The following SNX29 variants were observed in gnomAD, a reference collection of about 807,000 sequenced individuals.
SNX29 encodes the protein sorting nexin 29.
Under a neutral mutation model 102.1 loss-of-function variants are expected in SNX29, and 78 were observed. The observed-to-expected ratio is 0.76, with a 90% CI of 0.64 to 0.92. SNX29 has a LOEUF of 0.92. Ranked by LOEUF, SNX29 falls within the 40% of genes least tolerant of loss-of-function variation. SNX29 has a pLI of 0.00. For synonymous variants in SNX29, 580 were observed against 414.5 expected, an observed-to-expected ratio of 1.40 and a Z score of -4.85; for missense variants, 1,280 against 1,061.7, an observed-to-expected ratio of 1.21 and a Z score of -2.86.
chr16:12,324,184 G>T (rs550773294), intron 15 of SNX29, among the ~76,000 whole-genome samples: 7 of 151,728 alleles, frequency 4.6e-5, no homozygotes, highest in Non-Finnish European at 1.0e-4. Flanking sequence ...TTTTGGGGGG[G>T]TCCCATGAGT....
intron 16 of SNX29, among the ~76,000 whole-genome samples, chr16:12,381,000 C>T (rs1297155875): frequency 4.2e-5 from 5 of 118,446 alleles, no homozygotes; most frequent in Admixed American, 8.2e-5. Flanking sequence ...CACCCACCCA[C>T]CATCCATCCA....
intron 14 of SNX29, among the ~76,000 whole-genome samples, chr16:12,209,913 A>C (rs1039654838): frequency 9.9e-5 from 15 of 152,186 alleles, no homozygotes; most frequent in Non-Finnish European, 4.4e-5. Context: ...GGGGCTGAGA[A>C]GGGTAGCAGG....
chr16:12,572,595 G>A lies in SNX29; in HGVS notation c.*3966G>A, dbSNP rs983292924. The stretch of plus-strand genomic sequence containing the variant: ...CAGCCATGTTCTCTGGGCTCCCAGT[G>A]AGCCCCCTCCCCTCCGGCTACCCCC... On this transcript the variant is annotated 3_prime_UTR_variant, in exon 21 of 21. Coordinates refer to ENST00000566228, the MANE Select transcript of SNX29 (RefSeq NM_032167.5). The A allele has an allele frequency of 1.7e-5, 18 of 1,064,190 alleles. No individual in the cohort carries two copies. The African/African-American group carries it at 2.5e-4, about 15-fold the overall frequency. 65.9% of individuals were successfully genotyped at this position (1,064,190 alleles called of 1,614,324 possible). A position where few individuals can be genotyped will look rare whatever the true frequency, so the allele number is the denominator to read the frequency against.
chr16:12,132,576 G>C (rs973435904), intron 13 of SNX29, among the ~76,000 whole-genome samples: 2 of 152,246 alleles, frequency 1.3e-5, no homozygotes, highest in African/African-American at 4.8e-5. Context: ...AGGAGGAAAA[G>C]ATGTGAGGGT....
intron 20 of SNX29, chr16:12,526,572 A>G (rs531355708): frequency 3.8e-6 from 2 of 529,554 alleles, no homozygotes; most frequent in East Asian, 8.0e-5. Context: ...ACTGTTTGGA[A>G]ATGGCCGCGA....
chr16:11,988,647 G>A (rs1218012439), intron 1 of SNX29, among the ~76,000 whole-genome samples: 1 of 152,008 alleles, frequency 6.6e-6, no homozygotes, highest in East Asian at 1.9e-4. Flanking sequence ...CAATTCCCTT[G>A]TCTCTACCTC....
chr16:12,180,087 G>T (rs2076348542), intron 13 of SNX29, among the ~76,000 whole-genome samples: 1 of 151,764 alleles, frequency 6.6e-6, no homozygotes, highest in Non-Finnish European at 1.5e-5. Flanking sequence ...TCTTCTCCAG[G>T]GGCTTCTGTT....
chr16:12,552,521 C>G (rs1030805565), intron 20 of SNX29, among the ~76,000 whole-genome samples: 1 of 152,270 alleles, frequency 6.6e-6, no homozygotes, highest in East Asian at 1.9e-4. Context: ...GCCAAATGGG[C>G]CTTCATTTCT....
intron 18 of SNX29, among the ~76,000 whole-genome samples, chr16:12,409,320 G>C (rs1282240501): frequency 6.6e-6 from 1 of 152,046 alleles, no homozygotes; most frequent in African/African-American, 2.4e-5. Flanking sequence ...CCATATGACA[G>C]AGTTAAATTT....
chr16:12,540,289 G>A (rs942000009), intron 20 of SNX29, among the ~76,000 whole-genome samples: 2 of 152,166 alleles, frequency 1.3e-5, no homozygotes, highest in African/African-American at 4.8e-5. Flanking sequence ...AGGACTAGAG[G>A]CATTACGGGG....
chr16:12,569,969 G>A lies in SNX29; in HGVS notation c.*1340G>A, dbSNP rs182637485. ...GGTGACGGTTAGATGGTAAGCCATG[G>A]GCTTGTCCTGGAACTGCTTCAACTC... On this transcript the variant is annotated 3_prime_UTR_variant, in exon 21 of 21. Transcript: ENST00000566228. 6.5e-3 allele frequency: 1,548 copies of A among 238,972 alleles called. 10 individuals are homozygous for A. Among genetic ancestry groups the A allele is most frequent in the Non-Finnish European group, 9.7e-3 (1,204 of 123,572 alleles). 14.8% of individuals were successfully genotyped at this position (238,972 alleles called of 1,614,324 possible). A position where few individuals can be genotyped will look rare whatever the true frequency, so the allele number is the denominator to read the frequency against.
Position 12,253,768 on chromosome 16 carries a change from G to A in SNX29, c.1679-24165G>A, listed in dbSNP as rs933388442. Reference sequence around the variant, plus strand: ...ATGAGAAGGGGGCCACTGGAGGACTGTGAGCAAAGGAGGGGTGGCCTCTGA... The same window carrying A: ...ATGAGAAGGGGGCCACTGGAGGACTATGAGCAAAGGAGGGGTGGCCTCTGA... On this transcript the variant is annotated intron_variant, in intron 14 of 20. Coordinates refer to ENST00000566228, the MANE Select transcript of SNX29 (RefSeq NM_032167.5). Among the ~76,000 whole-genome samples the A allele has an allele frequency of 2.0e-5, 3 of 152,192 alleles. No homozygotes were observed. The South Asian group carries it at 6.2e-4, about 32-fold the overall frequency.
At chr16:12,008,166 G>T (rs1176716515) in intron 3 of SNX29, among the ~76,000 whole-genome samples, 2 of 152,252 alleles carry the variant, frequency 1.3e-5, no homozygotes, top group Admixed American at 1.3e-4. Flanking sequence ...GGATAGTTTT[G>T]ATCTCCTGAC....
intron 10 of SNX29, among the ~76,000 whole-genome samples, chr16:12,074,153 C>A (rs2051433456): frequency 6.6e-6 from 1 of 150,590 alleles, no homozygotes; most frequent in Non-Finnish European, 1.5e-5. Context: ...TTAATTGGAG[C>A]ATTTAGTCCA....
chr16:12,572,378 G>T lies in SNX29; in HGVS notation c.*3749G>T. The T allele has an allele frequency of 9.4e-7, 1 of 1,062,974 alleles. No homozygotes were observed. Among genetic ancestry groups the T allele is most frequent in the Non-Finnish European group, 1.1e-6 (1 of 877,768 alleles). The allele number at this position is 1,062,974 out of a possible 1,614,324, so 65.8% of individuals were successfully genotyped here. On this transcript the variant is annotated 3_prime_UTR_variant, in exon 21 of 21. Transcript: ENST00000566228. ...CAGCAGGCTCTGCCTTCTGGAGGCG[G>T]CTTATATCCCAACAGCCTGAGGCAG...
intron 13 of SNX29, among the ~76,000 whole-genome samples, chr16:12,135,243 A>T (rs1438877853): frequency 6.6e-6 from 1 of 152,230 alleles, no homozygotes; most frequent in Non-Finnish European, 1.5e-5. Flanking sequence ...AATTGTGTTG[A>T]TCTAGCTATC....
intron 15 of SNX29, among the ~76,000 whole-genome samples, chr16:12,316,857 C>A (rs1039762484): frequency 6.6e-6 from 1 of 152,154 alleles, no homozygotes; most frequent in African/African-American, 2.4e-5. Flanking sequence ...AAAGTGAAAT[C>A]TTCTGAGGCC....
intron 20 of SNX29, among the ~76,000 whole-genome samples, chr16:12,543,410 C>T (rs980650927): frequency 3.9e-5 from 6 of 152,210 alleles, no homozygotes; most frequent in Non-Finnish European, 7.3e-5. Flanking sequence ...GCCCGATTCA[C>T]TGAAAGGAGA....
chr16:12,094,480 C>G (rs1460245112), intron 11 of SNX29, among the ~76,000 whole-genome samples: 1 of 152,020 alleles, frequency 6.6e-6, no homozygotes, highest in Non-Finnish European at 1.5e-5. Context: ...CCCTGAAGTT[C>G]CCTTTAGCTG....
Sources: gnomAD v4.1 joint callset for allele counts (sites outside exome capture counted in the v4.1 genomes callset) on GRCh38, gnomAD v4.1.1 for gene constraint, MANE v1.5 for transcripts, NCBI Gene and HGNC (gene_info 2026-07-23, HGNC 2026-07-21) for gene names.